ZC3H13: variants seen among roughly 807,000 people sequenced by gnomAD.
ZC3H13 encodes zinc finger CCCH domain-containing protein 13.
ZC3H13 carries 64 observed loss-of-function variants against 204.1 expected under a neutral mutation model. That is an observed-to-expected ratio of 0.31 (90% CI 0.26 to 0.39). The LOEUF is 0.39. Ranked by LOEUF, ZC3H13 falls within the 10% of genes least tolerant of loss-of-function variation. ZC3H13 has a pLI of 1.00. For missense variants in ZC3H13, 1,833 were observed against 2,082.7 expected (o/e 0.88, Z 2.33); for synonymous variants, 667 against 693.7 (o/e 0.96, Z 0.60).
chr13:45,964,731 T>C (rs559104196), intron 16 of ZC3H13, among the ~76,000 whole-genome samples: 1 of 152,174 alleles, frequency 6.6e-6, no homozygotes, highest in Non-Finnish European at 1.5e-5. Flanking sequence ...CAGACACTAA[T>C]TGGAATGATT....
At chr13:45,988,022 T>G (rs1000233024) in intron 9 of ZC3H13, among the ~76,000 whole-genome samples, 1 of 152,180 alleles carries the variant, frequency 6.6e-6, no homozygotes, top group Admixed American at 6.5e-5. Flanking sequence ...ACCTAGAAAT[T>G]TGATGACTCG....
chr13:46,024,166 C>A (rs1001045029), intron 4 of ZC3H13, among the ~76,000 whole-genome samples: 1 of 152,190 alleles, frequency 6.6e-6, no homozygotes, highest in Non-Finnish European at 1.5e-5. Flanking sequence ...CCAAAGTGAT[C>A]TGCCTGGCAC....
At chr13:46,030,830 G>A (rs2042849765) in intron 4 of ZC3H13, among the ~76,000 whole-genome samples, 1 of 152,132 alleles carries the variant, frequency 6.6e-6, no homozygotes. Flanking sequence ...GTTATTCCAT[G>A]CTCTTGGACA....
At chr13:46,042,632 A>G (rs1247525965) in intron 3 of ZC3H13, among the ~76,000 whole-genome samples, 1 of 152,126 alleles carries the variant, frequency 6.6e-6, no homozygotes, top group African/African-American at 2.4e-5. Context: ...TATTAGTTAT[A>G]TGTGGGAGCA....
At chr13:45,996,012 C>G (rs543656135) in intron 8 of ZC3H13, among the ~76,000 whole-genome samples, 2 of 152,170 alleles carry the variant, frequency 1.3e-5, no homozygotes, top group Non-Finnish European at 2.9e-5. Flanking sequence ...AACATATCAC[C>G]TGTCAGCAGA....
intron 17 of ZC3H13, chr13:45,962,906 C>T: frequency 1.0e-6 from 1 of 985,278 alleles, no homozygotes; most frequent in Non-Finnish European, 1.2e-6. Context: ...CTAGATGAGA[C>T]AGAGACAGTG....
Position 45,988,898 on chromosome 13 carries a change from G to A in ZC3H13, c.1144C>T (p.Pro382Ser). 2 of 1,614,206 alleles carry A rather than the reference G, an allele frequency of 1.2e-6. No individual in the cohort carries two copies. The highest frequency in any genetic ancestry group is 1.7e-6 in the Non-Finnish European group (2 of 1,180,040). ...CTTGGAGGACTCTGCTTTCTCTGGG[G>A]AGACGACAAAGAATGTGAAGGATAA... ...SPYPSHSLSS[P>S]QRKQSPPRHR... The change falls in exon 9 of 19, where the codon CCC (proline) becomes TCC (serine). Residue 382 changes from proline to serine, a missense_variant. Around this residue, in one of 5 missense-constraint regions of ZC3H13, gnomAD observed 1,574 missense variants for 1,757.2 expected, o/e 0.90. Transcript: ENST00000679008.
intron 4 of ZC3H13, among the ~76,000 whole-genome samples, chr13:46,023,590 T>C (rs74072636): frequency 0.015 from 2,260 of 152,234 alleles, 20 homozygotes; most frequent in South Asian, 0.053. Flanking sequence ...TGACTTAGAA[T>C]TGAAATTATA....
intron 11 of ZC3H13, among the ~76,000 whole-genome samples, chr13:45,977,869 A>AT (rs1345458757): frequency 2.0e-5 from 3 of 152,098 alleles, no homozygotes; most frequent in Admixed American, 2.0e-4. Flanking sequence ...TTAAAATCAA[A>AT]TTTTTTAGCC....
At chr13:45,988,056 T>TC (rs1404909041) in intron 9 of ZC3H13, among the ~76,000 whole-genome samples, 1 of 151,912 alleles carries the variant, frequency 6.6e-6, no homozygotes, top group East Asian at 1.9e-4. Context: ...TTCTAACAAT[T>TC]CCCCCCAGCC....
intron 4 of ZC3H13, among the ~76,000 whole-genome samples, chr13:46,038,680 G>C (rs1352004831): frequency 6.6e-6 from 1 of 152,170 alleles, no homozygotes; most frequent in Admixed American, 6.5e-5. Context: ...GTTGCAGCAA[G>C]AATGCACCAT....
rs1284026768 is a variant in ZC3H13, at chr13:46,012,368, T to C, written c.449-814A>G. ...GAGGTGGGAATTTCATTGACCACGA[T>C]GGACTTGACTGACCACAAACTGAGG... On this transcript the variant is annotated intron_variant, in intron 5 of 18. Coordinates refer to ENST00000679008, the MANE Select transcript of ZC3H13 (RefSeq NM_001330564.2). 2.6e-5 allele frequency among the ~76,000 whole-genome samples: 4 copies of C among 152,154 alleles called. No individual in the cohort carries two copies. In the East Asian group the frequency reaches 5.8e-4, roughly 22 times the overall value.
chr13:45,983,925 C>T (rs1472814081), intron 10 of ZC3H13, among the ~76,000 whole-genome samples: 1 of 152,150 alleles, frequency 6.6e-6, no homozygotes, highest in Non-Finnish European at 1.5e-5. Flanking sequence ...TTTCCAGGTA[C>T]CAACAAAGCA....
chr13:45,998,716 C>T (rs540213752), intron 8 of ZC3H13, among the ~76,000 whole-genome samples: 1 of 152,236 alleles, frequency 6.6e-6, no homozygotes, highest in South Asian at 2.1e-4. Flanking sequence ...TGCTAACACC[C>T]ATCTAAGCCT....
intron 4 of ZC3H13, among the ~76,000 whole-genome samples, chr13:46,033,475 G>A (rs1014603603): frequency 2.0e-5 from 3 of 148,876 alleles, no homozygotes; most frequent in African/African-American, 7.5e-5. Context: ...TGTCAACAGG[G>A]ACCAAAATTT....
At chr13:45,976,003 C>A (rs12429980) in intron 11 of ZC3H13, among the ~76,000 whole-genome samples, 165 bp from the exon 12 acceptor site, 39,306 of 151,886 alleles carry the variant, frequency 0.26, 5,499 homozygotes, top group South Asian at 0.33. Context: ...AACAATCGCC[C>A]CTAGACCTTA....
At chr13:46,030,039 A>G (rs756942007) in intron 4 of ZC3H13, among the ~76,000 whole-genome samples, 4 of 152,188 alleles carry the variant, frequency 2.6e-5, no homozygotes, top group African/African-American at 4.8e-5. Context: ...CACAACCAAG[A>G]AGAATTTATC....
intron 1 of ZC3H13, among the ~76,000 whole-genome samples, chr13:46,048,597 A>AC (rs1337064039): frequency 3.8e-4 from 58 of 151,168 alleles, no homozygotes; most frequent in African/African-American, 1.3e-3. Context: ...AAAAAAAAAA[A>AC]AAAAAAAACT....
intron 7 of ZC3H13, among the ~76,000 whole-genome samples, chr13:46,008,678 A>T (rs1237643377): frequency 6.6e-6 from 1 of 152,168 alleles, no homozygotes; most frequent in Non-Finnish European, 1.5e-5. Context: ...TATGCAGTTT[A>T]TTGGGGAAAT....
Sources: gnomAD v4.1 joint callset for allele counts (sites outside exome capture counted in the v4.1 genomes callset) on GRCh38, gnomAD v4.1.1 for gene constraint, gnomAD v4.1.1 regional missense constraint, MANE v1.5 for transcripts, NCBI Gene and HGNC (gene_info 2026-07-23, HGNC 2026-07-21) for gene names.